Variants in GRB10 observed in about 807,000 individuals in gnomAD.
The protein encoded by GRB10 is growth factor receptor bound protein 10.
GRB10 carries 20 observed loss-of-function variants against 80.9 expected under a neutral mutation model. The observed-to-expected ratio is 0.25, with a 90% confidence interval of 0.17 to 0.36. The LOEUF (loss-of-function observed/expected upper bound fraction) is 0.36, where lower values mean the gene tolerates loss of function less well. GRB10 is among the 10% of genes least tolerant of loss of function. GRB10 has a pLI of 1.00. For missense variants in GRB10, 548 were observed against 747.7 expected, an observed-to-expected ratio of 0.73 and a Z score of 3.12; for synonymous variants, 291 against 291.5, an observed-to-expected ratio of 1.00 and a Z score of 0.02.
chr7:50,656,446 T>C (rs144568018), intron 7 of GRB10, among the ~76,000 whole-genome samples: 63 of 152,352 alleles, frequency 4.1e-4, no homozygotes, highest in Admixed American at 8.5e-4. Flanking sequence ...GTGGTGACTA[T>C]GCAGTAGCCT....
chr7:50,629,285 T>G (rs1214882237), intron 7 of GRB10, among the ~76,000 whole-genome samples: 1 of 152,150 alleles, frequency 6.6e-6, no homozygotes, highest in East Asian at 1.9e-4. Context: ...CCTGCTGCAT[T>G]TTTCTTTAAA....
chr7:50,753,928 T>C (rs2074596080), intron 3 of GRB10, among the ~76,000 whole-genome samples: 1 of 152,190 alleles, frequency 6.6e-6, no homozygotes, highest in African/African-American at 2.4e-5. Flanking sequence ...GCTTTTTGCC[T>C]TTTTCAGATG....
intron 2 of GRB10, chr7:50,779,200 T>C (rs1473627843): frequency 2.6e-5 from 4 of 152,182 alleles, no homozygotes; most frequent in African/African-American, 2.4e-5. Context: ...CAGGGGGAAA[T>C]GCATTAAGAC....
intron 2 of GRB10, among the ~76,000 whole-genome samples, chr7:50,759,557 T>C (rs779224240): frequency 6.6e-6 from 1 of 152,244 alleles, no homozygotes; most frequent in Non-Finnish European, 1.5e-5. Context: ...TGACATGATG[T>C]AAATGCTATA....
At position 50,617,188 on chromosome 7, in the gene GRB10, C is replaced by T. The variant is rs180841659; in HGVS notation, c.847-841G>A. On this transcript the variant is annotated intron_variant, in intron 10 of 18. Coordinates refer to ENST00000401949, the MANE Select transcript of GRB10 (RefSeq NM_001350814.2). ...TGCTGACACCTCTCGCCAGAACAGA[C>T]ACATGCTATGGTCAGAAGGGCTTCT... 3.1e-3 allele frequency among the ~76,000 whole-genome samples: 469 copies of T among 152,310 alleles called. 2 individuals are homozygous for T. The highest frequency in any genetic ancestry group is 6.1e-3 in the Non-Finnish European group (416 of 68,022).
intron 4 of GRB10, among the ~76,000 whole-genome samples, chr7:50,714,422 G>C (rs1213746403): frequency 6.6e-6 from 1 of 152,208 alleles, no homozygotes; most frequent in Non-Finnish European, 1.5e-5. Context: ...CCAGCACTTT[G>C]GGAGGTCAAG....
At chr7:50,773,779 A>G (rs2077278511) in intron 2 of GRB10, among the ~76,000 whole-genome samples, 1 of 152,258 alleles carries the variant, frequency 6.6e-6, no homozygotes, top group Admixed American at 6.5e-5. Flanking sequence ...AATACCCAAA[A>G]GGTAGAAACA....
At chr7:50,702,417 G>C (rs192206812) in intron 5 of GRB10, among the ~76,000 whole-genome samples, 1 of 152,214 alleles carries the variant, frequency 6.6e-6, no homozygotes, top group Non-Finnish European at 1.5e-5. Flanking sequence ...GCCCTGAGGA[G>C]ACAGCACTAT....
intron 7 of GRB10, among the ~76,000 whole-genome samples, chr7:50,658,216 T>TA (rs544342594): frequency 1.1e-3 from 164 of 152,362 alleles, no homozygotes; most frequent in Non-Finnish European, 2.0e-3. Context: ...TCAGTGAGTG[T>TA]AACAGGCTTC....
intron 8 of GRB10, among the ~76,000 whole-genome samples, chr7:50,624,023 G>T (rs913038244): frequency 1.3e-5 from 2 of 152,168 alleles, no homozygotes; most frequent in Non-Finnish European, 2.9e-5. Context: ...TTGTACTTTG[G>T]AATCTTCAAT....
At chr7:50,707,476 G>A (rs1308606400) in intron 4 of GRB10, among the ~76,000 whole-genome samples, 2 of 152,206 alleles carry the variant, frequency 1.3e-5, no homozygotes, top group African/African-American at 4.8e-5. Flanking sequence ...GCCTGCCAAC[G>A]TGTTTTCTCA....
At chr7:50,610,642 C>G (rs1444522285) in intron 13 of GRB10, among the ~76,000 whole-genome samples, 1 of 152,196 alleles carries the variant, frequency 6.6e-6, no homozygotes, top group African/African-American at 2.4e-5. Flanking sequence ...GTGGCAGCTA[C>G]AGCTTGGGCC....
intron 2 of GRB10, among the ~76,000 whole-genome samples, chr7:50,770,611 C>T (rs912229478): frequency 2.0e-5 from 3 of 152,224 alleles, no homozygotes; most frequent in Admixed American, 2.0e-4. Flanking sequence ...TTGTCCCTTG[C>T]ATTCCGTCGC....
intron 4 of GRB10, among the ~76,000 whole-genome samples, chr7:50,708,801 G>A (rs565240527): frequency 2.7e-5 from 4 of 150,480 alleles, no homozygotes; most frequent in Admixed American, 1.3e-4. Context: ...TCAGCCTCCC[G>A]AGTAGCTGGG....
chr7:50,648,156 C>T (rs539761040), intron 7 of GRB10, among the ~76,000 whole-genome samples: 164 of 152,100 alleles, frequency 1.1e-3, no homozygotes, highest in African/African-American at 3.8e-3. Context: ...AGAGGGGAGA[C>T]GGAGCACCAA....
intron 7 of GRB10, among the ~76,000 whole-genome samples, chr7:50,664,116 G>A (rs1047142620): frequency 6.6e-6 from 1 of 152,182 alleles, no homozygotes; most frequent in South Asian, 2.1e-4. Context: ...GGACACCGAC[G>A]CTCAGTCTTG....
At chr7:50,598,180 T>C (rs1202382660) in intron 17 of GRB10, among the ~76,000 whole-genome samples, 2 of 152,208 alleles carry the variant, frequency 1.3e-5, no homozygotes, top group Non-Finnish European at 2.9e-5. Flanking sequence ...ACTCTTCTCT[T>C]ACAGGACCAT....
chr7:50,626,982 C>A lies in GRB10; in HGVS notation c.505-4G>T, dbSNP rs761577284. 6.2e-7 allele frequency: 1 copy of A among 1,614,058 alleles called. No individual in the cohort carries two copies. Among genetic ancestry groups the A allele is most frequent in the South Asian group, 1.1e-5 (1 of 91,080 alleles). On this transcript the variant is annotated splice_region_variant and splice_polypyrimidine_tract_variant and intron_variant, in intron 7 of 18. Transcript: ENST00000401949. ...CTTCACTAAAGACTTTAACATCCTGCAACACACAAAGGGGATAGTTACAGA... is the reference window on the plus strand; with the variant it reads ...CTTCACTAAAGACTTTAACATCCTGAAACACACAAAGGGGATAGTTACAGA...
rs760810867 is a variant in GRB10, at chr7:50,674,634, A to C, written c.164T>G (p.Leu55Arg). 6.2e-7 allele frequency: 1 copy of C among 1,613,868 alleles called. No homozygotes were observed. The highest frequency in any genetic ancestry group is 1.3e-5 in the African/African-American group (1 of 75,074). ...CAGGGATGCATTCATATCGTTCACC[A>C]GGGCTTCCAGGTCCACATCATCCTC... ...HQEDDVDLEA[L>R]VNDMNASLES... is the part of the protein sequence containing the mutation. Residue 55 changes from leucine to arginine, a missense_variant, in exon 6 of 19, where the codon CTG becomes CGG. Leu to Arg is a moderately radical substitution (Grantham distance 102). Transcript: ENST00000401949.
Sources: gnomAD v4.1 joint callset for allele counts (sites outside exome capture counted in the v4.1 genomes callset) on GRCh38, gnomAD v4.1.1 for gene constraint, MANE v1.5 for transcripts, NCBI Gene and HGNC (gene_info 2026-07-23, HGNC 2026-07-21) for gene names.